The following CFAP61 variants were observed in gnomAD, a reference collection of about 807,000 sequenced individuals.
The protein encoded by CFAP61 is cilia and flagella associated protein 61, also known as cilia- and flagella-associated protein 61.
In CFAP61, 107 loss-of-function variants were observed where a neutral mutation model predicts 135.6. That is an observed-to-expected ratio of 0.79 (90% confidence interval 0.67 to 0.93). The LOEUF (loss-of-function observed/expected upper bound fraction) is 0.93, where lower values mean the gene tolerates loss of function less well. Ranked by LOEUF, CFAP61 falls within the 40% of genes least tolerant of loss-of-function variation. The pLI is 0.00. For missense variants in CFAP61, 1,507 were observed against 1,556.2 expected (o/e 0.97, Z 0.53); for synonymous variants, 575 against 578.5 (o/e 0.99, Z 0.09).
At chr20:20,108,811 T>C (rs1258993294) in intron 8 of CFAP61, among the ~76,000 whole-genome samples, 1 of 152,220 alleles carries the variant, frequency 6.6e-6, no homozygotes, top group African/African-American at 2.4e-5. Context: ...ATGTATTTGC[T>C]ATAAAGAGGG....
chr20:20,127,130 G>A (rs746592012), intron 8 of CFAP61, among the ~76,000 whole-genome samples: 7 of 151,392 alleles, frequency 4.6e-5, no homozygotes, highest in Non-Finnish European at 8.8e-5. Context: ...TTCTTGTATC[G>A]TTTTTTGGAT....
At chr20:20,118,229 A>G (rs1337657971) in intron 8 of CFAP61, among the ~76,000 whole-genome samples, 2 of 148,848 alleles carry the variant, frequency 1.3e-5, no homozygotes, top group Non-Finnish European at 3.0e-5. Flanking sequence ...TTTGTCATAT[A>G]TGGTCTTCAT....
At position 20,079,535 on chromosome 20, in the gene CFAP61, TG is replaced by T. The variant is rs1323732037; in HGVS notation, c.566+3921del. 2.7e-4 allele frequency among the ~76,000 whole-genome samples: 41 copies of T among 152,278 alleles called. 1 individual carries two copies. The Middle Eastern group carries it at 0.01, about 38-fold the overall frequency. The stretch of plus-strand genomic sequence containing the variant: ...AGGCCAGAAACCTACCTGCAGATGC[TG>T]AACATTATGCAAACAGTGTAATGTG... On this transcript the variant is annotated intron_variant, in intron 6 of 26. Coordinates refer to ENST00000245957, the MANE Select transcript of CFAP61 (RefSeq NM_015585.4).
chr20:20,206,355 C>T (rs1029121793), intron 17 of CFAP61, among the ~76,000 whole-genome samples: 20 of 152,092 alleles, frequency 1.3e-4, no homozygotes, highest in Non-Finnish European at 2.6e-4. Context: ...CAACCATCAC[C>T]ACTATCTAAT....
chr20:20,069,440 C>T (rs537322814), intron 2 of CFAP61, among the ~76,000 whole-genome samples: 8 of 152,198 alleles, frequency 5.3e-5, no homozygotes, highest in Admixed American at 2.0e-4. Flanking sequence ...CCACCACACC[C>T]GGCTAATTTT....
chr20:20,334,208 C>T (rs2058095786), intron 25 of CFAP61, among the ~76,000 whole-genome samples: 1 of 152,200 alleles, frequency 6.6e-6, no homozygotes, highest in Non-Finnish European at 1.5e-5. Flanking sequence ...CTCACTGCAA[C>T]CTCTGCCTCC....
At chr20:20,246,782 C>A (rs2050490035) in intron 19 of CFAP61, among the ~76,000 whole-genome samples, 1 of 152,166 alleles carries the variant, frequency 6.6e-6, no homozygotes, top group African/African-American at 2.4e-5. Flanking sequence ...AGTTTCTCTG[C>A]CTCTAGAAAC....
At chr20:20,320,964 T>C (rs2057482641) in intron 25 of CFAP61, among the ~76,000 whole-genome samples, 1 of 151,550 alleles carries the variant, frequency 6.6e-6, no homozygotes, top group Non-Finnish European at 1.5e-5. Flanking sequence ...GAAGGGTGCT[T>C]TACAGAGCTG....
intron 8 of CFAP61, among the ~76,000 whole-genome samples, chr20:20,102,037 TC>T (rs2048064828): frequency 6.6e-6 from 1 of 152,166 alleles, no homozygotes; most frequent in East Asian, 1.9e-4. Flanking sequence ...TCCAAACAAC[TC>T]CTATCTGCTG....
At chr20:20,095,248 T>TGACA (rs2047483292) in intron 7 of CFAP61, among the ~76,000 whole-genome samples, 1 of 152,206 alleles carries the variant, frequency 6.6e-6, no homozygotes, top group South Asian at 2.1e-4. Context: ...TTGACCATGA[T>TGACA]GACAGCGCTT....
Position 20,269,138 on chromosome 20 carries a change from T to TAC in CFAP61, c.2503+6009_2503+6010insCA, listed in dbSNP as rs1372368790. Reference sequence around the variant, plus strand: ...TGGGCTATATATATATATATATATATATATATATACACACACACACACACA... The same window carrying TAC: ...TGGGCTATATATATATATATATATATACATATATATACACACACACACACACA... On this transcript the variant is annotated intron_variant, in intron 21 of 26. Transcript: ENST00000245957. Among the ~76,000 whole-genome samples the TAC allele has an allele frequency of 3.5e-4, 28 of 80,940 alleles. 1 individual carries two copies. The highest frequency in any genetic ancestry group is 9.1e-4 in the African/African-American group (22 of 24,206). The allele number at this position is 80,940 out of a possible 152,430, so 53.1% of individuals were successfully genotyped here.
intron 6 of CFAP61, 116 bp from the exon 7 acceptor site, chr20:20,090,728 T>C (rs1426687053): frequency 5.8e-6 from 4 of 694,624 alleles, no homozygotes; most frequent in Non-Finnish European, 9.6e-6. Flanking sequence ...AAAGTTGATA[T>C]CATGAGTGTT....
intron 17 of CFAP61, chr20:20,220,939 A>G (rs118113837): frequency 1.3e-5 from 2 of 152,194 alleles, no homozygotes; most frequent in Non-Finnish European, 1.5e-5. Context: ...AAAGACATAT[A>G]TCTGTAAGGT....
intron 18 of CFAP61, among the ~76,000 whole-genome samples, chr20:20,229,334 T>C (rs1207861311): frequency 1.3e-5 from 2 of 152,224 alleles, no homozygotes; most frequent in African/African-American, 4.8e-5. Flanking sequence ...GCTATCTTCA[T>C]TTATTTTTTA....
chr20:20,199,553 A>C (rs1488881693), intron 16 of CFAP61, among the ~76,000 whole-genome samples: 4 of 152,162 alleles, frequency 2.6e-5, no homozygotes, highest in Non-Finnish European at 4.4e-5. Context: ...CAGAGATAGT[A>C]ATGTAATTAC....
intron 21 of CFAP61, among the ~76,000 whole-genome samples, chr20:20,273,356 C>T (rs1360825410): frequency 1.3e-5 from 2 of 152,098 alleles, no homozygotes; most frequent in Non-Finnish European, 2.9e-5. Context: ...ACCTAATAAC[C>T]AGATCTAACA....
At position 20,075,338 on chromosome 20, in the gene CFAP61, A is replaced by G; in HGVS notation, c.439+82A>G. The G allele has an allele frequency of 2.6e-6, 4 of 1,511,996 alleles. No homozygotes were observed. In the African/African-American group the frequency reaches 4.1e-5, roughly 16 times the overall value. 93.7% of individuals were successfully genotyped at this position (1,511,996 alleles called of 1,614,324 possible). A position where few individuals can be genotyped will look rare whatever the true frequency, so the allele number is the denominator to read the frequency against. Reference sequence around the variant, plus strand: ...CAGAATGGTGCTTTGGGGAATGAGAAATAAGAGTGGTCTCCAGGTCCTCAA... The same window carrying G: ...CAGAATGGTGCTTTGGGGAATGAGAGATAAGAGTGGTCTCCAGGTCCTCAA... On this transcript the variant is annotated intron_variant, in intron 5 of 26. Transcript: ENST00000245957.
chr20:20,254,690 A>C (rs1404269883), intron 20 of CFAP61, among the ~76,000 whole-genome samples: 1 of 152,186 alleles, frequency 6.6e-6, no homozygotes, highest in East Asian at 1.9e-4. Context: ...GTTTTGTCCC[A>C]ATTTTGTGAT....
chr20:20,110,678 T>C (rs9679967), intron 8 of CFAP61, among the ~76,000 whole-genome samples: 43,515 of 151,998 alleles, frequency 0.29, 6,682 homozygotes, highest in East Asian at 0.61. Context: ...AGCAAATCAC[T>C]ATAACCACGG....
Sources: gnomAD v4.1 joint callset for allele counts (sites outside exome capture counted in the v4.1 genomes callset) on GRCh38, gnomAD v4.1.1 for gene constraint, MANE v1.5 for transcripts, NCBI Gene and HGNC (gene_info 2026-07-23, HGNC 2026-07-21) for gene names.